The following LIN54 variants were observed in gnomAD, a reference collection of about 807,000 sequenced individuals.
LIN54 encodes lin-54 DREAM MuvB core complex component.
Under a neutral mutation model 78.7 loss-of-function variants are expected in LIN54, and 9 were observed. The observed-to-expected ratio is 0.11, with a 90% CI of 0.07 to 0.20. LIN54 has a LOEUF of 0.20. Ranked by LOEUF, LIN54 falls within the 10% of genes least tolerant of loss-of-function variation. LIN54 has a pLI of 1.00. For missense variants in LIN54, 573 were observed against 889.9 expected, an observed-to-expected ratio of 0.64 and a Z score of 4.53; for synonymous variants, 269 against 318.4, an observed-to-expected ratio of 0.84 and a Z score of 1.65.
At chr4:82,956,843 G>A (rs895134895) in intron 4 of LIN54, among the ~76,000 whole-genome samples, 13 of 151,916 alleles carry the variant, frequency 8.6e-5, no homozygotes, top group Middle Eastern at 3.4e-3. Context: ...GGCTGGTCTC[G>A]AACTCTTGAG....
intron 4 of LIN54, among the ~76,000 whole-genome samples, chr4:82,960,155 A>C (rs367891971): frequency 1.5e-4 from 23 of 152,228 alleles, no homozygotes; most frequent in Admixed American, 9.8e-4. Context: ...ATTATTCACT[A>C]CCTGGGTGAA....
chr4:82,993,233 T>TTTGG (rs1727894894), intron 1 of LIN54, among the ~76,000 whole-genome samples: 1 of 149,348 alleles, frequency 6.7e-6, no homozygotes, highest in Non-Finnish European at 1.5e-5. Context: ...TTTTTTTTTT[T>TTTGG]GAGATGGAGT....
rs1165928999 is a variant in LIN54, at chr4:82,940,811, A to G, written c.1169-849T>C. ...AGGGCATTTAAATCCCAGTTCTGCC[A>G]TTTTCTAACCACTTAAGCTCTCTTT... On this transcript the variant is annotated intron_variant, in intron 5 of 12. Coordinates refer to ENST00000340417, the MANE Select transcript of LIN54 (RefSeq NM_194282.4). 2.0e-5 allele frequency among the ~76,000 whole-genome samples: 3 copies of G among 152,192 alleles called. No individual in the cohort carries two copies. In the East Asian group the frequency reaches 5.8e-4, roughly 29 times the overall value.
At chr4:82,973,566 G>T (rs1725863899) in intron 3 of LIN54, among the ~76,000 whole-genome samples, 1 of 152,184 alleles carries the variant, frequency 6.6e-6, no homozygotes, top group African/African-American at 2.4e-5. Flanking sequence ...ATATTGAATA[G>T]GCTGGGGCAG....
intron 1 of LIN54, among the ~76,000 whole-genome samples, chr4:83,001,736 TACCA>T (rs1728792297): frequency 1.4e-5 from 2 of 146,318 alleles, no homozygotes; most frequent in Non-Finnish European, 3.0e-5. Context: ...TTGTCCCAGC[TACCA>T]GGGAGGCTGA....
intron 1 of LIN54, among the ~76,000 whole-genome samples, chr4:82,996,444 C>T (rs1728224917): frequency 1.3e-5 from 2 of 152,012 alleles, no homozygotes; most frequent in Non-Finnish European, 2.9e-5. Context: ...CTCACTCTGT[C>T]GCCCAGGCTG....
At position 83,000,827 on chromosome 4, in the gene LIN54, C is replaced by CTTTTTTTCTTTT. The variant is rs528409899; in HGVS notation, c.-33+9656_-33+9657insAAAAGAAAAAAA. On this transcript the variant is annotated intron_variant, in intron 1 of 12. Coordinates refer to ENST00000340417, the MANE Select transcript of LIN54 (RefSeq NM_194282.4). The stretch of plus-strand genomic sequence containing the variant: ...GCCATCAAGCCCAAAGCAATAAATT[C>CTTTTTTTCTTTT]TTTTTTTTTTTTTGGAGATAGAGTC... Among the ~76,000 whole-genome samples, 34 of 120,538 alleles carry CTTTTTTTCTTTT rather than the reference C, an allele frequency of 2.8e-4. 14 individuals carry two copies. Among genetic ancestry groups the CTTTTTTTCTTTT allele is most frequent in the Non-Finnish European group, 3.4e-4 (21 of 61,094 alleles). 79.1% of individuals were successfully genotyped at this position (120,538 alleles called of 152,430 possible).
At chr4:82,961,588 T>C (rs1344808805) in intron 4 of LIN54, among the ~76,000 whole-genome samples, 1 of 152,158 alleles carries the variant, frequency 6.6e-6, no homozygotes, top group East Asian at 1.9e-4. Context: ...TGTAAGGATG[T>C]CCAGGATAAT....
At chr4:82,994,678 G>A (rs1728042266) in intron 1 of LIN54, among the ~76,000 whole-genome samples, 1 of 149,544 alleles carries the variant, frequency 6.7e-6, no homozygotes, top group Admixed American at 6.8e-5. Context: ...GGGATTACAG[G>A]CATGAGCCAC....
chr4:82,982,176 G>C (rs1371156985), intron 2 of LIN54, among the ~76,000 whole-genome samples: 2 of 151,922 alleles, frequency 1.3e-5, no homozygotes, highest in Admixed American at 6.6e-5. Context: ...CATATACCTT[G>C]CTCTCATAAA....
At chr4:83,009,269 C>T (rs1023673392) in intron 1 of LIN54, among the ~76,000 whole-genome samples, 33 of 152,146 alleles carry the variant, frequency 2.2e-4, no homozygotes, top group Non-Finnish European at 4.0e-4. Flanking sequence ...GTTACATATA[C>T]TCTTTGTAGA....
intron 3 of LIN54, among the ~76,000 whole-genome samples, chr4:82,971,347 G>A (rs1725631862): frequency 7.1e-6 from 1 of 141,826 alleles, no homozygotes; most frequent in South Asian, 2.2e-4. Context: ...GAAGTGACGT[G>A]TGTCATTCTT....
At chr4:83,004,558 T>C (rs1229664962) in intron 1 of LIN54, among the ~76,000 whole-genome samples, 1 of 152,206 alleles carries the variant, frequency 6.6e-6, no homozygotes, top group Admixed American at 6.5e-5. Context: ...GCCAAGATCA[T>C]GGCTCACTGC....
rs1489322675 is a variant in LIN54, at chr4:82,924,971, T to C, written c.*3131A>G. ...ACAGAACAATAAAAATAGATAACTT[T>C]TCTAAAATTATTTTTATTCACATTT... On this transcript the variant is annotated 3_prime_UTR_variant, in exon 13 of 13. Transcript: ENST00000340417. 1 of 152,662 alleles carries C rather than the reference T, an allele frequency of 6.6e-6. No homozygotes were observed. Among genetic ancestry groups the C allele is most frequent in the African/African-American group, 2.4e-5 (1 of 41,458 alleles). The allele number at this position is 152,662 out of a possible 1,614,324, so 9.5% of individuals were successfully genotyped here.
intron 2 of LIN54, among the ~76,000 whole-genome samples, chr4:82,982,646 T>C (rs1726772745): frequency 6.6e-6 from 1 of 152,106 alleles, no homozygotes; most frequent in South Asian, 2.1e-4. Flanking sequence ...TGATAAGATA[T>C]CTCATCCAAG....
In LIN54 at chr4:83,010,525, A is replaced by G. The variant is rs921389669; in HGVS notation, c.-74T>C. ...TTTCTCCTCCCTCGGGCTCCGAGGTAGGGGCTCCAGAAGGTCCTGGGCAAT... is the reference window on the plus strand; with the variant it reads ...TTTCTCCTCCCTCGGGCTCCGAGGTGGGGGCTCCAGAAGGTCCTGGGCAAT... On this transcript the variant is annotated 5_prime_UTR_variant, in exon 1 of 13. Coordinates refer to ENST00000340417, the MANE Select transcript of LIN54 (RefSeq NM_194282.4). The G allele has an allele frequency of 6.2e-6, 7 of 1,137,688 alleles. No individual in the cohort carries two copies. The highest frequency in any genetic ancestry group is 7.5e-6 in the Non-Finnish European group (7 of 928,690). 70.5% of individuals were successfully genotyped at this position (1,137,688 alleles called of 1,614,324 possible).
chr4:82,960,709 C>T (rs1403786163), intron 4 of LIN54, among the ~76,000 whole-genome samples: 1 of 152,112 alleles, frequency 6.6e-6, no homozygotes, highest in Non-Finnish European at 1.5e-5. Context: ...CAGATGTATG[C>T]ATTTTATCTG....
chr4:82,999,382 A>C (rs182510618), intron 1 of LIN54, among the ~76,000 whole-genome samples: 1 of 152,298 alleles, frequency 6.6e-6, no homozygotes, highest in Non-Finnish European at 1.5e-5. Context: ...TAAAAAAAGA[A>C]ATTTGTTAAG....
At chr4:82,962,403 G>T (rs1315469090) in intron 4 of LIN54, among the ~76,000 whole-genome samples, 1 of 152,090 alleles carries the variant, frequency 6.6e-6, no homozygotes, top group Non-Finnish European at 1.5e-5. Flanking sequence ...TACTGCAGTG[G>T]TATAAACTTA....
Sources: allele counts gnomAD v4.1 joint callset (sites outside exome capture counted in the v4.1 genomes callset), GRCh38; gene constraint gnomAD v4.1.1; transcripts MANE v1.5; gene names NCBI Gene and HGNC (gene_info 2026-07-23, HGNC 2026-07-21).